Variants in HES7 observed in about 807,000 individuals in gnomAD.
HES7 encodes transcription factor HES-7.
In HES7, 8 loss-of-function variants were observed where a neutral mutation model predicts 18.0. The ratio of observed to expected loss-of-function variants is 0.45; its 90% CI spans 0.26 to 0.80. The LOEUF is 0.80. Ranked by LOEUF, HES7 falls within the 30% of genes least tolerant of loss-of-function variation. HES7 has a pLI of 0.18. For missense variants in HES7, 356 were observed against 340.9 expected (o/e 1.04, Z -0.35); for synonymous variants, 170 against 158.6 (o/e 1.07, Z -0.54).
At position 8,122,105 on chromosome 17, in the gene HES7, G is replaced by A. The variant is rs1598231473; in HGVS notation, c.227-68C>T. On this transcript the variant is annotated intron_variant, in intron 3 of 3. Transcript: ENST00000541682. The surrounding 1 kb of genome is among the most constrained non-coding windows in gnomAD (Gnocchi z 6.9). ...CGGCAGGGGTGAGGGAAGGGGCGGG[G>A]CGCAGAGATACCAAGGCCGGACAGG... The A allele has an allele frequency of 2.2e-6, 3 of 1,360,606 alleles. No individual in the cohort carries two copies. The highest frequency in any genetic ancestry group is 3.0e-5 in the African/African-American group (2 of 67,252). The allele number at this position is 1,360,606 out of a possible 1,614,324, so 84.3% of individuals were successfully genotyped here.
rs372627919 is a variant in HES7 at position 8,123,090 on chromosome 17, G to C, written c.79C>G (p.Arg27Gly). The change falls in exon 2 of 4, where the codon CGC becomes GGC. Residue 27 changes from arginine to glycine, a missense_variant. Coordinates refer to ENST00000541682, the MANE Select transcript of HES7 (RefSeq NM_001165967.2). This position sits in a 1 kb window ranked among gnomAD's most constrained non-coding sequence, Gnocchi z 5.9. The part of the protein sequence containing the change: ...KPLVEKRRRD[R>G]INRSLEELRL... ...AGCTCTTCCAGGCTGCGGTTGATGC[G>C]GTCCCGGCGCCGCTTCTCCACAAGC... 1.2e-6 allele frequency: 2 copies of C among 1,607,606 alleles called. No individual in the cohort carries two copies. The highest frequency in any genetic ancestry group is 8.5e-7 in the Non-Finnish European group (1 of 1,177,466).
chr17:8,125,686 C>G (rs1322988812), upstream of HES7, among the ~76,000 whole-genome samples: 4 of 151,966 alleles, frequency 2.6e-5, no homozygotes, highest in Non-Finnish European at 4.4e-5. Context: ...CGTTGCCTGT[C>G]CGGGTCCGCC....
chr17:8,123,303 C>G lies in HES7; in HGVS notation c.43-177G>C. ...GCTCCCCCTCCCAATGCCCCTAGAT[C>G]AGTTTCTGTAGCTCGCCTCCCCGGA... On this transcript the variant is annotated intron_variant, in intron 1 of 3. Coordinates refer to ENST00000541682, the MANE Select transcript of HES7 (RefSeq NM_001165967.2). This position sits in a 1 kb window ranked among gnomAD's most constrained non-coding sequence, Gnocchi z 5.9. 1 of 621,114 alleles carries G rather than the reference C, an allele frequency of 1.6e-6. No homozygotes were observed. Among genetic ancestry groups the G allele is most frequent in the Non-Finnish European group, 2.9e-6 (1 of 345,372 alleles). The allele number at this position is 621,114 out of a possible 1,614,324, so 38.5% of individuals were successfully genotyped here.
upstream of HES7, among the ~76,000 whole-genome samples, chr17:8,124,904 T>G (rs1219676387): frequency 2.6e-5 from 4 of 152,150 alleles, no homozygotes. Context: ...GTCTTTCCAC[T>G]TACAGTACAA....
upstream of HES7, among the ~76,000 whole-genome samples, chr17:8,125,784 C>T (rs746312704): frequency 1.3e-5 from 2 of 152,178 alleles, no homozygotes; most frequent in Non-Finnish European, 2.9e-5. Flanking sequence ...GCCTGCCACG[C>T]GGGAGGCCCG....
chr17:8,122,973 A>G lies in HES7; in HGVS notation c.138+58T>C. The G allele has an allele frequency of 7.3e-7, 1 of 1,372,748 alleles. No homozygotes were observed. The highest frequency in any genetic ancestry group is 1.0e-6 in the Non-Finnish European group (1 of 983,124). 85.0% of individuals were successfully genotyped at this position (1,372,748 alleles called of 1,614,324 possible). ...AAGCTTGTGTCCCCACCCCAGTGGG[A>G]AGCCCTGGGACGCGGAAACGGGAAG... On this transcript the variant is annotated intron_variant, in intron 2 of 3. Transcript: ENST00000541682. This position sits in a 1 kb window ranked among gnomAD's most constrained non-coding sequence, Gnocchi z 6.9.
At position 8,123,421 on chromosome 17, in the gene HES7, T is replaced by G; in HGVS notation, c.43-295A>C. ...TCTCTACGTCTCCGTCTGGTGCAGT[T>G]TCTCTTTGTCTCAGTGGAGAACTTT... On this transcript the variant is annotated intron_variant, in intron 1 of 3. Transcript: ENST00000541682. The surrounding 1 kb of genome is among the most constrained non-coding windows in gnomAD (Gnocchi z 5.9). The G allele has an allele frequency of 2.0e-6, 1 of 510,300 alleles. No homozygotes were observed. Among genetic ancestry groups the G allele is most frequent in the Non-Finnish European group, 3.6e-6 (1 of 280,666 alleles). The allele number at this position is 510,300 out of a possible 1,614,324, so 31.6% of individuals were successfully genotyped here.
At position 8,122,307 on chromosome 17, in the gene HES7, C is replaced by G. The variant is rs370594135; in HGVS notation, c.226+36G>C. 2.8e-6 allele frequency: 4 copies of G among 1,440,686 alleles called. No individual in the cohort carries two copies. The Admixed American group carries it at 7.9e-5, about 28-fold the overall frequency. 89.2% of individuals were successfully genotyped at this position (1,440,686 alleles called of 1,614,324 possible). On this transcript the variant is annotated intron_variant, in intron 3 of 3. Coordinates refer to ENST00000541682, the MANE Select transcript of HES7 (RefSeq NM_001165967.2). This position sits in a 1 kb window ranked among gnomAD's most constrained non-coding sequence, Gnocchi z 6.9. ...CCGGCCGGAGCCTCCTGGCGTCCCC[C>G]CTCCCTCCCTCCGCTGCCCCACCCC...
At chr17:8,126,149 T>G (rs567257433), upstream of HES7, among the ~76,000 whole-genome samples, 19 of 152,142 alleles carry the variant, frequency 1.2e-4, 1 homozygote, top group South Asian at 3.7e-3. Context: ...CCCTTGTTCT[T>G]TCCACCTCTC....
rs2151853739 is a variant in HES7, at chr17:8,122,097, G to T, written c.227-60C>A. ...CAGGGGCCCGGCAGGGGTGAGGGAA[G>T]GGGCGGGGCGCAGAGATACCAAGGC... is the stretch of plus-strand genomic sequence containing the variant. On this transcript the variant is annotated intron_variant, in intron 3 of 3. Coordinates refer to ENST00000541682, the MANE Select transcript of HES7 (RefSeq NM_001165967.2). This position sits in a 1 kb window ranked among gnomAD's most constrained non-coding sequence, Gnocchi z 6.9. 2 of 1,395,470 alleles carry T rather than the reference G, an allele frequency of 1.4e-6. No individual in the cohort carries two copies. The highest frequency in any genetic ancestry group is 2.8e-5 in the South Asian group (2 of 70,294). The allele number at this position is 1,395,470 out of a possible 1,614,324, so 86.4% of individuals were successfully genotyped here. A position where few individuals can be genotyped will look rare whatever the true frequency, so the allele number is the denominator to read the frequency against.
At position 8,123,721 on chromosome 17, in the gene HES7, C is replaced by T. The variant is rs1260647550; in HGVS notation, c.42+322G>A. Among the ~76,000 whole-genome samples, 1 of 152,208 alleles carries T rather than the reference C, an allele frequency of 6.6e-6. No homozygotes were observed. Among genetic ancestry groups the T allele is most frequent in the African/African-American group, 2.4e-5 (1 of 41,448 alleles). ...GCAAGTGCCTATCCTCTTCTCTTTT[C>T]GTTCCCACCCTCCTCCCTTGGCTCT... On this transcript the variant is annotated intron_variant, in intron 1 of 3. Transcript: ENST00000541682. The surrounding 1 kb of genome is among the most constrained non-coding windows in gnomAD (Gnocchi z 5.9).
Position 8,121,520 on chromosome 17 carries a change from G to A in HES7, c.*51C>T, listed in dbSNP as rs1426493506. The A allele has an allele frequency of 7.9e-7, 1 of 1,268,278 alleles. No homozygotes were observed. Among genetic ancestry groups the A allele is most frequent in the Non-Finnish European group, 9.9e-7 (1 of 1,009,358 alleles). 78.6% of individuals were successfully genotyped at this position (1,268,278 alleles called of 1,614,324 possible). A position where few individuals can be genotyped will look rare whatever the true frequency, so the allele number is the denominator to read the frequency against. On this transcript the variant is annotated 3_prime_UTR_variant, in exon 4 of 4. Coordinates refer to ENST00000541682, the MANE Select transcript of HES7 (RefSeq NM_001165967.2). Reference sequence around the variant, plus strand: ...GCCCGGGTCCCTCTGCTGCCCTCGGGCTGGAGTCTCTACCCCACCCCTAGA... The same window carrying A: ...GCCCGGGTCCCTCTGCTGCCCTCGGACTGGAGTCTCTACCCCACCCCTAGA...
chr17:8,124,500 A>C (rs949901587), upstream of HES7, among the ~76,000 whole-genome samples: 2 of 152,188 alleles, frequency 1.3e-5, no homozygotes, highest in African/African-American at 4.8e-5. Flanking sequence ...GCTGAATTTT[A>C]TACATCATCT....
chr17:8,123,289 C>G lies in HES7; in HGVS notation c.43-163G>C. ...TTCGATCCCTCTCCGCTCCCCCTCC[C>G]AATGCCCCTAGATCAGTTTCTGTAG... is the stretch of plus-strand genomic sequence containing the variant. On this transcript the variant is annotated intron_variant, in intron 1 of 3. Coordinates refer to ENST00000541682, the MANE Select transcript of HES7 (RefSeq NM_001165967.2). This position sits in a 1 kb window ranked among gnomAD's most constrained non-coding sequence, Gnocchi z 5.9. The G allele has an allele frequency of 1.6e-6, 1 of 644,810 alleles. No individual in the cohort carries two copies. The highest frequency in any genetic ancestry group is 2.8e-6 in the Non-Finnish European group (1 of 355,654). 39.9% of individuals were successfully genotyped at this position (644,810 alleles called of 1,614,324 possible). A position where few individuals can be genotyped will look rare whatever the true frequency, so the allele number is the denominator to read the frequency against.
upstream of HES7, among the ~76,000 whole-genome samples, chr17:8,124,935 C>T (rs147732388): frequency 7.1e-4 from 108 of 152,248 alleles, 1 homozygote; most frequent in East Asian, 0.02. Flanking sequence ...CAAAACTAGT[C>T]ATAGGAGATT....
chr17:8,123,244 A>T lies in HES7; in HGVS notation c.43-118T>A. On this transcript the variant is annotated intron_variant, in intron 1 of 3. Transcript: ENST00000541682. This position sits in a 1 kb window ranked among gnomAD's most constrained non-coding sequence, Gnocchi z 5.9. ...TTCCACCCCGGCCACAAGACCCCAG[A>T]TTGCCTAGGGCCGGCCCCATTCGAT... is the stretch of plus-strand genomic sequence containing the variant. The T allele has an allele frequency of 1.3e-6, 1 of 773,606 alleles. No homozygotes were observed. Among genetic ancestry groups the T allele is most frequent in the East Asian group, 2.7e-5 (1 of 37,330 alleles). 47.9% of individuals were successfully genotyped at this position (773,606 alleles called of 1,614,324 possible). A position where few individuals can be genotyped will look rare whatever the true frequency, so the allele number is the denominator to read the frequency against.
In HES7 at chr17:8,123,267, G is replaced by C; in HGVS notation, c.43-141C>G. The C allele has an allele frequency of 1.5e-6, 1 of 677,232 alleles. No homozygotes were observed. The highest frequency in any genetic ancestry group is 3.2e-4 in the Middle Eastern group (1 of 3,128). 42.0% of individuals were successfully genotyped at this position (677,232 alleles called of 1,614,324 possible). A position where few individuals can be genotyped will look rare whatever the true frequency, so the allele number is the denominator to read the frequency against. ...AGATTGCCTAGGGCCGGCCCCATTC[G>C]ATCCCTCTCCGCTCCCCCTCCCAAT... On this transcript the variant is annotated intron_variant, in intron 1 of 3. Coordinates refer to ENST00000541682, the MANE Select transcript of HES7 (RefSeq NM_001165967.2). The surrounding 1 kb of genome is among the most constrained non-coding windows in gnomAD (Gnocchi z 5.9).
At chr17:8,124,431 G>A (rs1981518786), upstream of HES7, among the ~76,000 whole-genome samples, 1 of 152,112 alleles carries the variant, frequency 6.6e-6, no homozygotes, top group Admixed American at 6.6e-5. Flanking sequence ...CAGCTTTCTG[G>A]GAGGCTTACT....
At chr17:8,124,238 G>A, upstream of HES7, 1 of 889,644 alleles carries the variant, frequency 1.1e-6, no homozygotes, top group South Asian at 1.4e-5. Flanking sequence ...GGAAAGAGGA[G>A]GAGTGAAGGG....
Sources: allele counts gnomAD v4.1 joint callset (sites outside exome capture counted in the v4.1 genomes callset), GRCh38; gene constraint gnomAD v4.1.1; non-coding constraint Gnocchi (gnomAD v3.1); transcripts MANE v1.5; gene names NCBI Gene and HGNC (gene_info 2026-07-23, HGNC 2026-07-21).